The following SERINC2 variants were observed in gnomAD, a reference collection of about 807,000 sequenced individuals.
SERINC2 encodes the protein tumor differentially expressed protein 2.
In SERINC2, 56 loss-of-function variants were observed where a neutral mutation model predicts 54.2. The observed-to-expected ratio is 1.03, with a 90% confidence interval of 0.83 to 1.29. The LOEUF is 1.29. Ranked by LOEUF, SERINC2 falls within the 50% of genes most tolerant of loss-of-function variation. SERINC2 has a pLI of 0.00. For synonymous variants in SERINC2, 272 were observed against 253.1 expected (o/e 1.07, Z -0.71); for missense variants, 614 against 607.4 (o/e 1.01, Z -0.12).
chr1:31,412,666 C>G (rs2148508835), upstream of SERINC2, among the ~76,000 whole-genome samples: 1 of 152,276 alleles, frequency 6.6e-6, no homozygotes, highest in South Asian at 2.1e-4. Flanking sequence ...AAGACCCTGT[C>G]TCTTAAAAAG....
At chr1:31,410,350 T>G (rs781928739), upstream of SERINC2, 4 of 1,548,238 alleles carry the variant, frequency 2.6e-6, no homozygotes, top group South Asian at 4.8e-5. Context: ...TCCCCTCAGA[T>G]AGCTGGGGTA....
chr1:31,431,503 G>A (rs1641198311), intron 8 of SERINC2, among the ~76,000 whole-genome samples: 1 of 151,986 alleles, frequency 6.6e-6, no homozygotes, highest in African/African-American at 2.4e-5. Context: ...TGGCCAAGGA[G>A]CTTGGAACTC....
rs564409169 is a variant in SERINC2, at chr1:31,426,829, C to T, written c.780+6C>T. On this transcript the variant is annotated splice_donor_region_variant and intron_variant, in intron 6 of 9. Coordinates refer to ENST00000373709, the MANE Select transcript of SERINC2 (RefSeq NM_178865.5). The stretch of plus-strand genomic sequence containing the variant: ...CTGTCCTGCCCAAGGTCCAGGTGAG[C>T]CTGCCTGACCCCCCCTGGCCTGAAG... 6.2e-7 allele frequency: 1 copy of T among 1,611,346 alleles called. No homozygotes were observed. Among genetic ancestry groups the T allele is most frequent in the East Asian group, 2.2e-5 (1 of 44,806 alleles).
chr1:31,414,713 G>T, intron 1 of SERINC2: 1 of 985,408 alleles, frequency 1.0e-6, no homozygotes, highest in Non-Finnish European at 1.2e-6. Context: ...TGCCAACAAG[G>T]GTTTGCTTCC....
chr1:31,421,831 T>C (rs1186929264), intron 1 of SERINC2, among the ~76,000 whole-genome samples: 3 of 152,142 alleles, frequency 2.0e-5, no homozygotes, highest in South Asian at 2.1e-4. Flanking sequence ...GACCTCATAC[T>C]CACCGCTGAC....
chr1:31,431,778 T>TAGGGTGGATAGGGTGGAGAGGGTGGAG (rs1641216925), intron 8 of SERINC2, among the ~76,000 whole-genome samples: 1 of 9,916 alleles, frequency 1.0e-4, no homozygotes, highest in Non-Finnish European at 5.1e-4. Flanking sequence ...AGAGGGTGAA[T>TAGGGTGGATAGGGTGGAGAGGGTGGAG]AGGGTGGATA....
intron 5 of SERINC2, 83 bp from the exon 6 acceptor site, chr1:31,426,571 C>T (rs1272217849): frequency 1.7e-6 from 2 of 1,180,698 alleles, no homozygotes; most frequent in African/African-American, 3.1e-5. Context: ...GGAGAGCTGC[C>T]AACAGGGTCC....
At position 31,426,650 on chromosome 1, in the gene SERINC2, C is replaced by CCAGG. The variant is rs1553133652; in HGVS notation, c.611-2_612dup. 2.5e-6 allele frequency: 4 copies of CCAGG among 1,604,522 alleles called. No homozygotes were observed. Among genetic ancestry groups the CCAGG allele is most frequent in the South Asian group, 1.1e-5 (1 of 90,518 alleles). The stretch of plus-strand genomic sequence containing the variant: ...CCTACCCTCTCACTACCCCTCTGGC[C>CCAGG]CAGGCCTCTTCTTCTTCACTCTCCT... On this transcript the variant is annotated splice_region_variant and splice_polypyrimidine_tract_variant and intron_variant, in intron 5 of 9. Coordinates refer to ENST00000373709, the MANE Select transcript of SERINC2 (RefSeq NM_178865.5).
At chr1:31,411,683 G>C (rs879969426), upstream of SERINC2, among the ~76,000 whole-genome samples, 5 of 152,040 alleles carry the variant, frequency 3.3e-5, no homozygotes, top group Non-Finnish European at 7.4e-5. Flanking sequence ...GAGAAAGAGG[G>C]ATAAGGAGAA....
chr1:31,416,365 C>G (rs1640781986), intron 1 of SERINC2, among the ~76,000 whole-genome samples: 1 of 152,190 alleles, frequency 6.6e-6, no homozygotes, highest in African/African-American at 2.4e-5. Context: ...CTCTCCTACC[C>G]CAGGAGATCA....
At position 31,424,726 on chromosome 1, in the gene SERINC2, T is replaced by G. The variant is rs1640987739; in HGVS notation, c.245T>G (p.Leu82Arg). 6.2e-7 allele frequency: 1 copy of G among 1,609,538 alleles called. No homozygotes were observed. The highest frequency in any genetic ancestry group is 8.5e-7 in the Non-Finnish European group (1 of 1,178,214). The change falls in exon 3 of 10, where the codon CTG becomes CGG. Residue 82 changes from leucine (L) to arginine (R), a missense_variant. Leu to Arg is a moderately radical substitution (Grantham distance 102). Coordinates refer to ENST00000373709, the MANE Select transcript of SERINC2 (RefSeq NM_178865.5). ...GAGGGGGCCGGGATCCCCACCGTCCTGCAGGGCCACATCGACTGTGGCTCC... is the reference window on the plus strand; with the variant it reads ...GAGGGGGCCGGGATCCCCACCGTCCGGCAGGGCCACATCGACTGTGGCTCC... ...CEEGAGIPTVLQGHIDCGSLL... is the reference protein window; with the variant it reads ...CEEGAGIPTVRQGHIDCGSLL...
chr1:31,423,887 A>G lies in SERINC2; in HGVS notation c.201+33A>G, dbSNP rs782750812. ...CCCCAGGGGAGGCAGGGCGGCCTCC[A>G]GCGAGGGGCGTCAGTGGCTCCAGGA... On this transcript the variant is annotated intron_variant, in intron 2 of 9. Coordinates refer to ENST00000373709, the MANE Select transcript of SERINC2 (RefSeq NM_178865.5). 1.7e-5 allele frequency: 28 copies of G among 1,603,080 alleles called. No individual in the cohort carries two copies. In the South Asian group the frequency reaches 2.3e-4, roughly 13 times the overall value.
At chr1:31,432,694 C>T (rs908444665) in intron 8 of SERINC2, among the ~76,000 whole-genome samples, 28 of 152,072 alleles carry the variant, frequency 1.8e-4, no homozygotes, top group African/African-American at 5.8e-4. Context: ...ATCATTATTC[C>T]GTCTAGTCCC....
Position 31,413,329 on chromosome 1 carries a change from C to A in SERINC2, c.39+25C>A. ...CGTGAGTCCCGACCCCGGCGCCCGC[C>A]CGCGCGCGCCGCCCGTTCCTGCTGC... is the stretch of plus-strand genomic sequence containing the variant. On this transcript the variant is annotated intron_variant, in intron 1 of 9. Transcript: ENST00000373709. The surrounding 1 kb of genome is among the most constrained non-coding windows in gnomAD (Gnocchi z 5.0). The A allele has an allele frequency of 6.6e-6, 8 of 1,212,614 alleles. No individual in the cohort carries two copies. The highest frequency in any genetic ancestry group is 8.3e-6 in the Non-Finnish European group (8 of 963,576). 75.1% of individuals were successfully genotyped at this position (1,212,614 alleles called of 1,614,324 possible). A position where few individuals can be genotyped will look rare whatever the true frequency, so the allele number is the denominator to read the frequency against.
upstream of SERINC2, among the ~76,000 whole-genome samples, chr1:31,411,013 CAGA>C (rs1640639554): frequency 6.6e-6 from 1 of 152,150 alleles, no homozygotes; most frequent in South Asian, 2.1e-4. Context: ...CTGTCAGTCA[CAGA>C]AGAAGGAGGA....
At chr1:31,414,180 C>T in intron 1 of SERINC2, 1 of 1,399,566 alleles carries the variant, frequency 7.1e-7, no homozygotes, top group Non-Finnish European at 9.2e-7. Context: ...GTGGGGAGGC[C>T]AACCTCTGTT....
upstream of SERINC2, chr1:31,410,554 C>CA: frequency 7.1e-7 from 1 of 1,400,274 alleles, no homozygotes; most frequent in Non-Finnish European, 9.6e-7. Context: ...AGCCTGAAGT[C>CA]AGAGTGGCTA....
intron 1 of SERINC2, chr1:31,414,104 G>A (rs1640715806): frequency 2.1e-6 from 3 of 1,452,120 alleles, no homozygotes; most frequent in South Asian, 1.4e-5. Context: ...ACTCTGGGTT[G>A]GGAGAGCAGG....
rs367603181 is a variant in SERINC2 at position 31,433,020 on chromosome 1, G to A, written c.1067G>A (p.Cys356Tyr). Reference sequence around the variant, plus strand: ...AACAGCCTGATGCAGACCGAGGAGTGCCCACCTATGCTAGACGCCACACAG... The same window carrying A: ...AACAGCCTGATGCAGACCGAGGAGTACCCACCTATGCTAGACGCCACACAG... Reference protein sequence around the residue: ...QVNSLMQTEECPPMLDATQQQ... With the variant: ...QVNSLMQTEEYPPMLDATQQQ... The change falls in exon 9 of 10, where the codon TGC becomes TAC. Residue 356 changes from cysteine to tyrosine, a missense_variant. Coordinates refer to ENST00000373709, the MANE Select transcript of SERINC2 (RefSeq NM_178865.5). 9.4e-6 allele frequency: 15 copies of A among 1,601,924 alleles called. No homozygotes were observed. Among genetic ancestry groups the A allele is most frequent in the Non-Finnish European group, 1.3e-5 (15 of 1,177,162 alleles).
Sources: allele counts gnomAD v4.1 joint callset (sites outside exome capture counted in the v4.1 genomes callset), GRCh38; gene constraint gnomAD v4.1.1; non-coding constraint Gnocchi (gnomAD v3.1); transcripts MANE v1.5; gene names NCBI Gene and HGNC (gene_info 2026-07-23, HGNC 2026-07-21).